Variants in TASOR2 observed in about 807,000 individuals in gnomAD.
TASOR2 encodes the protein transcription activation suppressor family member 2.
In TASOR2, 84 loss-of-function variants were observed where a neutral mutation model predicts 199.5. That is an observed-to-expected ratio of 0.42 (90% CI 0.35 to 0.50). The LOEUF is 0.50. TASOR2 is among the 20% of genes least tolerant of loss of function. The pLI, the probability that TASOR2 is intolerant of heterozygous loss-of-function variation, is 0.02. For synonymous variants in TASOR2, 1,103 were observed against 1,046.6 expected (o/e 1.05, Z -1.04); for missense variants, 2,796 against 2,835.9 (o/e 0.99, Z 0.32).
chr10:5,746,694 C>A, exon 15 of TASOR2: 1 of 1,614,118 alleles, frequency 6.2e-7, no homozygotes, highest in South Asian at 1.1e-5. Context: ...CTGCTGCAAG[C>A]CTTAGACATC....
chr10:5,729,460 G>A (rs1834502639), intron 10 of TASOR2, among the ~76,000 whole-genome samples: 2 of 152,232 alleles, frequency 1.3e-5, no homozygotes, highest in Admixed American at 1.3e-4. Flanking sequence ...CAGCACTCCA[G>A]GAGGCTGAGG....
chr10:5,729,782 G>A (rs1834544547), intron 10 of TASOR2, among the ~76,000 whole-genome samples: 1 of 151,780 alleles, frequency 6.6e-6, no homozygotes, highest in African/African-American at 2.4e-5. Context: ...AATTTTATAG[G>A]ATTTTATTAC....
At chr10:5,717,660 T>A in exon 3 of TASOR2, 1 of 1,192,234 alleles carries the variant, frequency 8.4e-7, no homozygotes, top group Non-Finnish European at 1.1e-6. Flanking sequence ...CTTTTACAGG[T>A]GTATACATTT....
chr10:5,723,421 A>C (rs1320177379), intron 6 of TASOR2, among the ~76,000 whole-genome samples: 1 of 152,044 alleles, frequency 6.6e-6, no homozygotes, highest in African/African-American at 2.4e-5. Context: ...TTTTTGACAC[A>C]TCTAGATACT....
At chr10:5,739,576 G>T in intron 12 of TASOR2, 42 bp from the exon 14 acceptor site, 1 of 1,560,856 alleles carries the variant, frequency 6.4e-7, no homozygotes, top group South Asian at 1.2e-5. Flanking sequence ...TTAATTCTAT[G>T]ACAAGCAAAC....
At chr10:5,712,388 T>A in intron 1 of TASOR2, 1 of 1,231,456 alleles carries the variant, frequency 8.1e-7, no homozygotes, top group East Asian at 3.2e-5. Context: ...TGTTTGTGTT[T>A]TACAGTTTTT....
intron 15 of TASOR2, among the ~76,000 whole-genome samples, chr10:5,755,171 T>A (rs1283346627): frequency 1.3e-5 from 2 of 152,250 alleles, no homozygotes; most frequent in Non-Finnish European, 2.9e-5. Flanking sequence ...AGACTAGAGA[T>A]TTATGCCTAG....
chr10:5,693,639 G>C (rs1836771154), intron 1 of TASOR2, among the ~76,000 whole-genome samples: 1 of 152,190 alleles, frequency 6.6e-6, no homozygotes, highest in African/African-American at 2.4e-5. Context: ...GAGGAGGGGG[G>C]AACCCCCACA....
Position 5,754,645 on chromosome 10 carries a change from T to G in TASOR2, c.6607-1968T>G, listed in dbSNP as rs948409236. Among the ~76,000 whole-genome samples the G allele has an allele frequency of 6.6e-6, 1 of 152,140 alleles. No individual in the cohort carries two copies. The highest frequency in any genetic ancestry group is 2.4e-5 in the African/African-American group (1 of 41,440). ...GCAGGAGTTCTTCTAGATATCTTGC[T>G]TGTTTCTATAGTGAATGTATTGTTT... On this transcript the variant is annotated intron_variant, in intron 15 of 20. Coordinates refer to ENST00000328090, the Ensembl canonical transcript of TASOR2. This position sits in a 1 kb window ranked among gnomAD's most constrained non-coding sequence, Gnocchi z 4.3.
Position 5,727,056 on chromosome 10 carries a change from C to T in TASOR2, c.425-5C>T, listed in dbSNP as rs1178421340. 8.1e-6 allele frequency: 13 copies of T among 1,614,014 alleles called. No individual in the cohort carries two copies. Among genetic ancestry groups the T allele is most frequent in the Non-Finnish European group, 1.1e-5 (13 of 1,179,968 alleles). On this transcript the variant is annotated splice_region_variant and splice_polypyrimidine_tract_variant and intron_variant, in intron 9 of 20. Transcript: ENST00000328090. ...TTTTCTTCTTCTGATTCTCATTCTG[C>T]ATAGATTTTGGAGGCAAGCAGATGG...
chr10:5,736,808 T>G (rs916001883), intron 12 of TASOR2, among the ~76,000 whole-genome samples: 12 of 152,184 alleles, frequency 7.9e-5, no homozygotes, highest in Non-Finnish European at 1.6e-4. Context: ...GTGTGTATTT[T>G]TTTTGTTTTG....
intron 1 of TASOR2, among the ~76,000 whole-genome samples, chr10:5,707,576 T>A (rs1336514265): frequency 6.6e-6 from 1 of 151,998 alleles, no homozygotes. Context: ...AGTCACATGT[T>A]TATTCCTAAA....
intron 6 of TASOR2, among the ~76,000 whole-genome samples, chr10:5,723,345 C>T (rs924600994): frequency 2.0e-5 from 3 of 151,964 alleles, no homozygotes; most frequent in Admixed American, 1.3e-4. Flanking sequence ...CGTGAGCCAC[C>T]GTGCCTGGCA....
chr10:5,686,119 A>G (rs1381215550), intron 1 of TASOR2, among the ~76,000 whole-genome samples: 2 of 152,214 alleles, frequency 1.3e-5, no homozygotes, highest in African/African-American at 4.8e-5. Context: ...TGTATGCGGT[A>G]TGTCCTGTAC....
chr10:5,711,454 C>G (rs957923117), intron 1 of TASOR2, among the ~76,000 whole-genome samples: 5 of 152,086 alleles, frequency 3.3e-5, no homozygotes, highest in Non-Finnish European at 5.9e-5. Context: ...ATAAATCATT[C>G]TCTTCTCCTT....
rs571331286 is a variant in TASOR2, at chr10:5,719,154, T to C, written c.-99-1390T>C. 6.6e-6 allele frequency among the ~76,000 whole-genome samples: 1 copy of C among 151,712 alleles called. No individual in the cohort carries two copies. The highest frequency in any genetic ancestry group is 1.5e-5 in the Non-Finnish European group (1 of 68,032). On this transcript the variant is annotated intron_variant, in intron 3 of 20. Coordinates refer to ENST00000328090, the Ensembl canonical transcript of TASOR2. The surrounding 1 kb of genome is among the most constrained non-coding windows in gnomAD (Gnocchi z 4.1). ...AGGACTTAAACAACAACAAAACATC[T>C]TCTTTTTTAAAAAGTAACTATATTC...
chr10:5,725,727 G>T (rs534097462), intron 8 of TASOR2, among the ~76,000 whole-genome samples: 2 of 152,322 alleles, frequency 1.3e-5, no homozygotes, highest in African/African-American at 4.8e-5. Context: ...GATGCAGTGA[G>T]CTGTTACTGT....
chr10:5,725,412 A>G (rs1833932759), intron 8 of TASOR2, among the ~76,000 whole-genome samples: 1 of 135,668 alleles, frequency 7.4e-6, no homozygotes, highest in African/African-American at 2.6e-5. Flanking sequence ...AAAAAAAAAA[A>G]AAAAAAAAAG....
At chr10:5,702,635 ATTTTTTTTTTT>A (rs71388467) in intron 1 of TASOR2, among the ~76,000 whole-genome samples, 41 of 84,904 alleles carry the variant, frequency 4.8e-4, no homozygotes, top group South Asian at 3.5e-3. Context: ...TAAAATGGTC[ATTTTTTTTTTT>A]TTTTTTTTTT....
Sources: gnomAD v4.1 joint callset for allele counts (sites outside exome capture counted in the v4.1 genomes callset) on GRCh38, gnomAD v4.1.1 for gene constraint, Gnocchi (gnomAD v3.1) non-coding constraint, MANE v1.5 for transcripts, NCBI Gene and HGNC (gene_info 2026-07-23, HGNC 2026-07-21) for gene names.